FARP1: variants seen among roughly 807,000 people sequenced by gnomAD.
FARP1 encodes the protein FERM, ARHGEF and pleckstrin domain-containing protein 1.
FARP1 carries 52 observed loss-of-function variants against 128.8 expected under a neutral mutation model. The observed-to-expected ratio is 0.40, with a 90% confidence interval of 0.32 to 0.51. The LOEUF (loss-of-function observed/expected upper bound fraction) is 0.51, where lower values mean the gene tolerates loss of function less well. FARP1 is among the 20% of genes least tolerant of loss of function. FARP1 has a pLI of 0.45. For missense variants in FARP1, 1,333 were observed against 1,367.9 expected, an observed-to-expected ratio of 0.97 and a Z score of 0.40; for synonymous variants, 580 against 551.8, an observed-to-expected ratio of 1.05 and a Z score of -0.72.
At chr13:98,149,181 C>G (rs114637402) in intron 1 of FARP1, among the ~76,000 whole-genome samples, 1 of 152,322 alleles carries the variant, frequency 6.6e-6, no homozygotes, top group African/African-American at 2.4e-5. Flanking sequence ...AACTGCCATG[C>G]CTGGCTCTCC....
intron 1 of FARP1, among the ~76,000 whole-genome samples, chr13:98,213,019 A>C (rs1332495683): frequency 6.6e-6 from 1 of 152,226 alleles, no homozygotes; most frequent in Non-Finnish European, 1.5e-5. Flanking sequence ...AAAATTATTC[A>C]AAAGAATAAA....
intron 13 of FARP1, chr13:98,406,155 C>G (rs1008299299): frequency 2.0e-5 from 3 of 152,188 alleles, no homozygotes; most frequent in African/African-American, 7.2e-5. Flanking sequence ...CACCCTGGCT[C>G]AAAGTCAAAA....
At chr13:98,373,079 G>C (rs1270931829) in intron 5 of FARP1, among the ~76,000 whole-genome samples, 2 of 152,162 alleles carry the variant, frequency 1.3e-5, no homozygotes, top group East Asian at 3.9e-4. Context: ...ATCAGGAAGA[G>C]TCCATGTAAT....
At chr13:98,213,870 C>T (rs184516706) in intron 2 of FARP1, among the ~76,000 whole-genome samples, 5 of 152,148 alleles carry the variant, frequency 3.3e-5, no homozygotes, top group East Asian at 1.9e-4. Flanking sequence ...AGAACAGTCC[C>T]GAGAGCATCA....
intron 2 of FARP1, among the ~76,000 whole-genome samples, chr13:98,216,795 G>A (rs1233722591): frequency 2.6e-5 from 4 of 152,178 alleles, no homozygotes; most frequent in Admixed American, 6.5e-5. Context: ...AAGCACCTCT[G>A]TGGTTGAACT....
At chr13:98,212,421 A>G (rs1424227563) in intron 1 of FARP1, among the ~76,000 whole-genome samples, 1 of 152,192 alleles carries the variant, frequency 6.6e-6, no homozygotes, top group African/African-American at 2.4e-5. Flanking sequence ...AAAGAGGGCA[A>G]AGCACTCAGC....
At chr13:98,318,145 C>A (rs1285588152) in intron 2 of FARP1, among the ~76,000 whole-genome samples, 1 of 146,956 alleles carries the variant, frequency 6.8e-6, no homozygotes, top group Non-Finnish European at 1.5e-5. Flanking sequence ...TCATGGCTCA[C>A]AACAGCCTCA....
intron 2 of FARP1, among the ~76,000 whole-genome samples, chr13:98,314,500 G>A (rs1886638789): frequency 1.3e-5 from 2 of 151,964 alleles, no homozygotes; most frequent in East Asian, 1.9e-4. Context: ...GGATGGTCTC[G>A]ATCTCTTGAC....
intron 11 of FARP1, among the ~76,000 whole-genome samples, chr13:98,393,387 G>A (rs1890385366): frequency 6.6e-6 from 1 of 152,020 alleles, no homozygotes; most frequent in Admixed American, 6.5e-5. Context: ...GTTTCTTCAC[G>A]AGCTGCACCG....
At position 98,448,363 on chromosome 13, in the gene FARP1, GTTTCC is replaced by G; in HGVS notation, c.*51_*55del. 7.0e-7 allele frequency: 1 copy of G among 1,423,568 alleles called. No individual in the cohort carries two copies. The highest frequency in any genetic ancestry group is 1.8e-4 in the Middle Eastern group (1 of 5,664). 88.2% of individuals were successfully genotyped at this position (1,423,568 alleles called of 1,614,324 possible). A position where few individuals can be genotyped will look rare whatever the true frequency, so the allele number is the denominator to read the frequency against. ...CGCAGTGGCTGCTTTCCTGGAAGAC[GTTTCC>G]TTTCTTCTGTATTAATGAAGCCTGG... is the stretch of plus-strand genomic sequence containing the variant. On this transcript the variant is annotated 3_prime_UTR_variant, in exon 27 of 27. Transcript: ENST00000319562.
intron 8 of FARP1, among the ~76,000 whole-genome samples, chr13:98,387,199 G>T (rs561941438): frequency 6.6e-6 from 1 of 152,260 alleles, no homozygotes; most frequent in South Asian, 2.1e-4. Context: ...TACTTGGAAG[G>T]CTGAGGCAGG....
rs1883114696 is a variant in FARP1, at chr13:98,247,233, C to T, written c.171+33820C>T. On this transcript the variant is annotated intron_variant, in intron 2 of 26. Coordinates refer to ENST00000319562, the MANE Select transcript of FARP1 (RefSeq NM_005766.4). ...CTCCAGACTGGGTGGCGGTGAGACTCTGTCTCCAAAAAAAAAGTAGCTGTT... is the reference window on the plus strand; with the variant it reads ...CTCCAGACTGGGTGGCGGTGAGACTTTGTCTCCAAAAAAAAAGTAGCTGTT... Among the ~76,000 whole-genome samples the T allele has an allele frequency of 5.3e-5, 8 of 152,160 alleles. No individual in the cohort carries two copies. In the South Asian group the frequency reaches 1.7e-3, roughly 32 times the overall value.
At chr13:98,442,726 AC>A (rs1892579064) in intron 24 of FARP1, among the ~76,000 whole-genome samples, 1 of 152,188 alleles carries the variant, frequency 6.6e-6, no homozygotes, top group African/African-American at 2.4e-5. Context: ...GCAGGGAAGA[AC>A]CCGTGATAGG....
At chr13:98,157,855 CTT>C (rs1876601553) in intron 1 of FARP1, among the ~76,000 whole-genome samples, 1 of 152,202 alleles carries the variant, frequency 6.6e-6, no homozygotes, top group Non-Finnish European at 1.5e-5. Flanking sequence ...GATGAACTCT[CTT>C]AAGTGGTAAA....
chr13:98,238,475 C>T (rs577272834), intron 2 of FARP1, among the ~76,000 whole-genome samples: 1 of 152,214 alleles, frequency 6.6e-6, no homozygotes, highest in African/African-American at 2.4e-5. Flanking sequence ...ATATCTGAGA[C>T]TGGGTAATTT....
intron 2 of FARP1, chr13:98,338,620 G>A (rs1363941540): frequency 2.0e-5 from 3 of 152,192 alleles, no homozygotes; most frequent in Non-Finnish European, 4.4e-5. Flanking sequence ...ATTCTTCTGT[G>A]AACGTGGATT....
intron 2 of FARP1, among the ~76,000 whole-genome samples, chr13:98,247,710 T>C (rs1177564411): frequency 2.6e-5 from 4 of 152,168 alleles, no homozygotes; most frequent in African/African-American, 9.6e-5. Flanking sequence ...CTTCAACGGA[T>C]TCCAGGCAGT....
rs1212279982 is a variant in FARP1, at chr13:98,164,846, G to A, written c.-24+21354G>A. On this transcript the variant is annotated intron_variant, in intron 1 of 26. Transcript: ENST00000319562. ...TATAAACCCAGCACTTTGGGAGGCCGAGGCGGGTGGATCACTTGAGGTCAG... is the reference window on the plus strand; with the variant it reads ...TATAAACCCAGCACTTTGGGAGGCCAAGGCGGGTGGATCACTTGAGGTCAG... Among the ~76,000 whole-genome samples the A allele has an allele frequency of 3.9e-5, 6 of 152,096 alleles. No homozygotes were observed. In the East Asian group the frequency reaches 5.8e-4, roughly 15 times the overall value.
intron 2 of FARP1, among the ~76,000 whole-genome samples, chr13:98,217,089 G>A (rs927912398): frequency 6.6e-6 from 1 of 152,134 alleles, no homozygotes; most frequent in Non-Finnish European, 1.5e-5. Context: ...TCGTGACCCG[G>A]CGGGTAAACA....
Sources: allele counts gnomAD v4.1 joint callset (sites outside exome capture counted in the v4.1 genomes callset), GRCh38; gene constraint gnomAD v4.1.1; transcripts MANE v1.5; gene names NCBI Gene and HGNC (gene_info 2026-07-23, HGNC 2026-07-21).